Variants in WDR27 observed in about 807,000 individuals in gnomAD.
The protein encoded by WDR27 is WD repeat domain 27.
A neutral mutation model predicts 114.4 loss-of-function variants in WDR27; 100 were observed. The ratio of observed to expected loss-of-function variants is 0.87; its 90% confidence interval spans 0.74 to 1.03. WDR27 has a LOEUF of 1.03. WDR27 is among the 50% of genes least tolerant of loss of function. The probability of loss-of-function intolerance (pLI) is 0.00; values close to 1 mark genes in which losing one functional copy is unlikely to be tolerated. For synonymous variants in WDR27, 449 were observed against 423.1 expected, an observed-to-expected ratio of 1.06 and a Z score of -0.75; for missense variants, 1,129 against 1,092.9, an observed-to-expected ratio of 1.03 and a Z score of -0.47.
At chr6:169,566,296 G>A (rs1404818201) in intron 25 of WDR27, among the ~76,000 whole-genome samples, 1 of 152,190 alleles carries the variant, frequency 6.6e-6, no homozygotes, top group Non-Finnish European at 1.5e-5. Context: ...GAAAGCTTGT[G>A]GCTAGACAGC....
chr6:169,482,126 T>C (rs574496081), intron 25 of WDR27, among the ~76,000 whole-genome samples: 172 of 152,352 alleles, frequency 1.1e-3, no homozygotes, highest in African/African-American at 4.0e-3. Flanking sequence ...AAGGACATGA[T>C]CTTATCTTTT....
chr6:169,672,789 G>A (rs1417871980), intron 2 of WDR27, among the ~76,000 whole-genome samples: 2 of 152,300 alleles, frequency 1.3e-5, no homozygotes, highest in African/African-American at 2.4e-5. Flanking sequence ...GGTAAGAAAC[G>A]GCTGGGACAA....
chr6:169,487,034 G>A (rs1366223701), intron 25 of WDR27, among the ~76,000 whole-genome samples: 4 of 152,114 alleles, frequency 2.6e-5, no homozygotes, highest in Admixed American at 6.5e-5. Context: ...TGAGCAGACC[G>A]GACTGGGTCC....
intron 25 of WDR27, among the ~76,000 whole-genome samples, chr6:169,510,637 G>C (rs1040908952): frequency 8.0e-6 from 1 of 124,924 alleles, no homozygotes; most frequent in Non-Finnish European, 1.6e-5. Flanking sequence ...GTTGTGGGGT[G>C]GGGGGAGGGG....
At chr6:169,436,575 G>A in the WDR27 span, among the ~76,000 whole-genome samples, 1 of 151,998 alleles carries the variant, frequency 6.6e-6, no homozygotes, top group Admixed American at 6.6e-5. Context: ...TACTAGCTCT[G>A]TCTAATGTCT....
At chr6:169,452,276 C>T (rs1784181234), downstream of WDR27, among the ~76,000 whole-genome samples, 1 of 152,260 alleles carries the variant, frequency 6.6e-6, no homozygotes, top group Non-Finnish European at 1.5e-5. Flanking sequence ...CTCCTCACTC[C>T]TCCCACAGCC....
chr6:169,655,298 C>T (rs541983544), intron 13 of WDR27, among the ~76,000 whole-genome samples: 1 of 152,342 alleles, frequency 6.6e-6, no homozygotes, highest in Admixed American at 6.5e-5. Context: ...CGTCTGCCAT[C>T]GACCTGCCAT....
At chr6:169,571,951 T>C (rs969596062) in intron 25 of WDR27, among the ~76,000 whole-genome samples, 1 of 152,202 alleles carries the variant, frequency 6.6e-6, no homozygotes, top group Non-Finnish European at 1.5e-5. Context: ...ATAACCCAGA[T>C]ATTGGCACTG....
chr6:169,458,006 A>AGGAGGAGAAGGAGGT (rs869143503), intron 25 of WDR27, among the ~76,000 whole-genome samples: 2 of 139,874 alleles, frequency 1.4e-5, no homozygotes, highest in African/African-American at 5.2e-5. Flanking sequence ...GAGGAGGAGG[A>AGGAGGAGAAGGAGGT]GGTGGTGGTG....
intron 2 of WDR27, among the ~76,000 whole-genome samples, chr6:169,673,825 C>T (rs570073509): frequency 8.6e-5 from 13 of 152,010 alleles, no homozygotes; most frequent in South Asian, 2.1e-4. Context: ...AATTTTTTTC[C>T]GTAAAGAAAT....
At chr6:169,624,515 G>GT (rs772681981) in intron 21 of WDR27, among the ~76,000 whole-genome samples, 45 of 152,272 alleles carry the variant, frequency 3.0e-4, no homozygotes, top group Non-Finnish European at 4.7e-4. Flanking sequence ...GCTGTGCCCT[G>GT]GTGCCATCCC....
chr6:169,525,535 C>CAA (rs569369732), intron 25 of WDR27, among the ~76,000 whole-genome samples: 135 of 96,814 alleles, frequency 1.4e-3, no homozygotes, highest in South Asian at 4.8e-3. Flanking sequence ...GACTCCATCT[C>CAA]AAAAAAAAAA....
intron 25 of WDR27, among the ~76,000 whole-genome samples, chr6:169,525,535 C>CAAAA (rs569369732): frequency 2.1e-5 from 2 of 96,982 alleles, no homozygotes; most frequent in African/African-American, 3.4e-5. Flanking sequence ...GACTCCATCT[C>CAAAA]AAAAAAAAAA....
At chr6:169,665,327 A>G (rs1827533149) in intron 7 of WDR27, 159 bp downstream of exon 7, 12 of 1,407,016 alleles carry the variant, frequency 8.5e-6, no homozygotes, top group Non-Finnish European at 1.1e-5. Flanking sequence ...ACCCACAGTG[A>G]CGCTGAGACC....
chr6:169,509,177 C>A (rs1033319110), intron 25 of WDR27, among the ~76,000 whole-genome samples: 1 of 152,098 alleles, frequency 6.6e-6, no homozygotes. Flanking sequence ...GTAGGAAGAA[C>A]CAATATCGTG....
chr6:169,615,052 A>G (rs900142881), intron 21 of WDR27, among the ~76,000 whole-genome samples: 5 of 152,246 alleles, frequency 3.3e-5, no homozygotes, highest in Admixed American at 6.5e-5. Flanking sequence ...GGAAGAAGAA[A>G]TAAAAAAACA....
chr6:169,559,771 T>G (rs1422015479), intron 25 of WDR27: 1 of 152,238 alleles, frequency 6.6e-6, no homozygotes, highest in African/African-American at 2.4e-5. Flanking sequence ...ACTCCTCTCT[T>G]CTGCCCTTAT....
intron 25 of WDR27, among the ~76,000 whole-genome samples, chr6:169,513,543 T>G (rs1793185029): frequency 6.6e-6 from 1 of 151,462 alleles, no homozygotes; most frequent in Admixed American, 6.6e-5. Flanking sequence ...TTATCCATGT[T>G]GACACATTTA....
At chr6:169,656,784 G>C (rs1824331688) in intron 13 of WDR27, among the ~76,000 whole-genome samples, 2 of 152,350 alleles carry the variant, frequency 1.3e-5, no homozygotes, top group Admixed American at 1.3e-4. Flanking sequence ...ACTTGCTGTT[G>C]TCTTCTCTGC....
Sources: gnomAD v4.1 joint callset for allele counts (sites outside exome capture counted in the v4.1 genomes callset) on GRCh38, gnomAD v4.1.1 for gene constraint, MANE v1.5 for transcripts, NCBI Gene and HGNC (gene_info 2026-07-23, HGNC 2026-07-21) for gene names.